LRRTM4: variants seen among roughly 807,000 people sequenced by gnomAD.
LRRTM4 encodes the protein leucine-rich repeat transmembrane neuronal protein 4.
Under a neutral mutation model 47.6 loss-of-function variants are expected in LRRTM4, and 25 were observed. The observed-to-expected ratio is 0.53, with a 90% confidence interval of 0.38 to 0.73. LRRTM4 has a LOEUF of 0.73. Among genes scored for constraint, LRRTM4 ranks in the 30% least tolerant of loss-of-function variants. The pLI is 0.00. For missense variants in LRRTM4, 638 were observed against 713.4 expected (o/e 0.89, Z 1.20); for synonymous variants, 311 against 269.5 (o/e 1.15, Z -1.51).
chr2:77,108,825 C>T (rs974172305), intron 3 of LRRTM4, among the ~76,000 whole-genome samples: 11 of 152,108 alleles, frequency 7.2e-5, no homozygotes, highest in South Asian at 4.2e-4. Flanking sequence ...CCTCGTGATC[C>T]GCCCGCCTCG....
chr2:77,039,223 G>A (rs1678944624), intron 3 of LRRTM4, among the ~76,000 whole-genome samples: 1 of 151,294 alleles, frequency 6.6e-6, no homozygotes, highest in Admixed American at 6.6e-5. Context: ...TGAAAAAGTA[G>A]GGGCAGCTTA....
At chr2:77,368,651 G>A (rs1452835778) in intron 3 of LRRTM4, among the ~76,000 whole-genome samples, 3 of 151,698 alleles carry the variant, frequency 2.0e-5, no homozygotes, top group Non-Finnish European at 2.9e-5. Context: ...TAAGGTACAA[G>A]TTTATGCTGG....
At chr2:77,238,179 C>T (rs1216810014) in intron 3 of LRRTM4, among the ~76,000 whole-genome samples, 1 of 151,990 alleles carries the variant, frequency 6.6e-6, no homozygotes, top group Non-Finnish European at 1.5e-5. Context: ...ATATCAGATG[C>T]TAGATATGTT....
At chr2:76,906,418 C>T (rs548583797) in intron 3 of LRRTM4, among the ~76,000 whole-genome samples, 31 of 151,976 alleles carry the variant, frequency 2.0e-4, no homozygotes, top group Admixed American at 6.6e-5. Flanking sequence ...ACCATCGAGA[C>T]TAGGAAGAAA....
intron 3 of LRRTM4, among the ~76,000 whole-genome samples, chr2:77,262,595 T>C (rs1446126891): frequency 6.6e-6 from 1 of 151,964 alleles, no homozygotes; most frequent in African/African-American, 2.4e-5. Context: ...CTCTCAGACT[T>C]TACTTGCCTT....
intron 3 of LRRTM4, among the ~76,000 whole-genome samples, chr2:77,498,607 C>T (rs1678452490): frequency 6.6e-6 from 1 of 151,742 alleles, no homozygotes; most frequent in South Asian, 2.1e-4. Flanking sequence ...CTGGTGGGTG[C>T]TATATGTGTT....
chr2:77,302,735 G>C (rs1334517271), intron 3 of LRRTM4, among the ~76,000 whole-genome samples: 3 of 152,128 alleles, frequency 2.0e-5, no homozygotes, highest in Non-Finnish European at 4.4e-5. Flanking sequence ...CAGTGCTTTT[G>C]AGTGAAACAT....
chr2:77,439,719 A>G (rs541974576), intron 3 of LRRTM4, among the ~76,000 whole-genome samples: 11 of 152,338 alleles, frequency 7.2e-5, no homozygotes, highest in African/African-American at 2.6e-4. Flanking sequence ...TTGAAACAGC[A>G]AAAGAATAAT....
rs898864188 is a variant in LRRTM4 at position 76,865,443 on chromosome 2, G to C, written c.1552-116527C>G. ...TTTTGAATAGGTTTATAAAATTAGA[G>C]AAAGTCCTATCCAAAGAAACAATTT... On this transcript the variant is annotated intron_variant, in intron 3 of 3. Coordinates refer to ENST00000409884, the MANE Select transcript of LRRTM4 (RefSeq NM_001134745.3). Among the ~76,000 whole-genome samples the C allele has an allele frequency of 3.3e-5, 5 of 152,110 alleles. No individual in the cohort carries two copies. The East Asian group carries it at 9.6e-4, about 29-fold the overall frequency.
rs532087121 is a variant in LRRTM4, at chr2:76,963,865, C to A, written c.1552-214949G>T. On this transcript the variant is annotated intron_variant, in intron 3 of 3. Transcript: ENST00000409884. ...AAGTATTTTTAGTAAGAGAATATTA[C>A]CATAATTATATAATTTTAAAAATTT... Among the ~76,000 whole-genome samples the A allele has an allele frequency of 1.7e-4, 25 of 150,334 alleles. 1 individual carries two copies. The highest frequency in any genetic ancestry group is 6.1e-4 in the African/African-American group (25 of 41,274).
chr2:76,914,969 T>C (rs1674194311), intron 3 of LRRTM4, among the ~76,000 whole-genome samples: 2 of 152,232 alleles, frequency 1.3e-5, no homozygotes, highest in Admixed American at 6.5e-5. Flanking sequence ...CTTTTCTTTG[T>C]TGTTGAAATC....
intron 3 of LRRTM4, among the ~76,000 whole-genome samples, chr2:77,140,841 C>T (rs1281032082): frequency 1.3e-5 from 2 of 152,154 alleles, no homozygotes. Flanking sequence ...CAAAAGAAGA[C>T]ATTTATGCAG....
intron 3 of LRRTM4, among the ~76,000 whole-genome samples, chr2:76,978,001 C>A (rs557101403): frequency 6.6e-6 from 1 of 152,114 alleles, no homozygotes; most frequent in Admixed American, 6.6e-5. Flanking sequence ...TATTTACATT[C>A]AGTCAGTGTG....
chr2:76,829,462 T>G (rs574029991), intron 3 of LRRTM4, among the ~76,000 whole-genome samples: 1 of 152,100 alleles, frequency 6.6e-6, no homozygotes, highest in African/African-American at 2.4e-5. Flanking sequence ...ATGGAGAAGC[T>G]GCTTACTTAT....
At chr2:77,430,252 A>G (rs966551171) in intron 3 of LRRTM4, among the ~76,000 whole-genome samples, 1 of 152,224 alleles carries the variant, frequency 6.6e-6, no homozygotes, top group African/African-American at 2.4e-5. Context: ...ATCATGTTGT[A>G]CACAATAAAT....
At chr2:77,520,885 GATTT>G (rs971658307) in intron 2 of LRRTM4, among the ~76,000 whole-genome samples, 7 of 150,800 alleles carry the variant, frequency 4.6e-5, no homozygotes, top group African/African-American at 1.7e-4. Flanking sequence ...GTCAACAGTA[GATTT>G]ATTATTTCTT....
chr2:76,948,308 G>C (rs1333550098), intron 3 of LRRTM4, among the ~76,000 whole-genome samples: 2 of 151,862 alleles, frequency 1.3e-5, no homozygotes, highest in African/African-American at 4.8e-5. Context: ...TATTTAATTA[G>C]AATGGAGAGG....
At chr2:77,042,203 T>C (rs533962778) in intron 3 of LRRTM4, among the ~76,000 whole-genome samples, 1 of 151,622 alleles carries the variant, frequency 6.6e-6, no homozygotes, top group Admixed American at 6.6e-5. Context: ...ATGTCCTTGT[T>C]TTTTAAGAAA....
intron 3 of LRRTM4, among the ~76,000 whole-genome samples, chr2:76,793,246 C>T (rs972012151): frequency 2.6e-5 from 4 of 152,092 alleles, no homozygotes; most frequent in South Asian, 2.1e-4. Context: ...GTTCATTGTT[C>T]CTTGACCTTT....
Sources: allele counts gnomAD v4.1 joint callset (sites outside exome capture counted in the v4.1 genomes callset), GRCh38; gene constraint gnomAD v4.1.1; transcripts MANE v1.5; gene names NCBI Gene and HGNC (gene_info 2026-07-23, HGNC 2026-07-21).